The following SLC44A3 variants were observed in gnomAD, a reference collection of about 807,000 sequenced individuals.
The protein encoded by SLC44A3 is solute carrier family 44 member 3, also known as choline transporter-like protein 3.
In SLC44A3, 74 loss-of-function variants were observed where a neutral mutation model predicts 75.4. That is an observed-to-expected ratio of 0.98 (90% CI 0.81 to 1.19). The LOEUF (loss-of-function observed/expected upper bound fraction) is 1.19, where lower values mean the gene tolerates loss of function less well. Among genes scored for constraint, SLC44A3 ranks in the 50% most tolerant of loss-of-function variants. The pLI, the probability that SLC44A3 is intolerant of heterozygous loss-of-function variation, is 0.00. For missense variants in SLC44A3, 700 were observed against 778.6 expected, an observed-to-expected ratio of 0.90 and a Z score of 1.20; for synonymous variants, 310 against 296.9, an observed-to-expected ratio of 1.04 and a Z score of -0.45.
chr1:94,868,221 T>C (rs573023515), intron 12 of SLC44A3, among the ~76,000 whole-genome samples: 1 of 152,318 alleles, frequency 6.6e-6, no homozygotes, highest in African/African-American at 2.4e-5. Flanking sequence ...CAAAGCAGTA[T>C]TTTTGTAAGT....
chr1:94,823,295 G>C (rs12021872), intron 2 of SLC44A3, among the ~76,000 whole-genome samples: 24,439 of 152,216 alleles, frequency 0.16, 2,445 homozygotes, highest in Non-Finnish European at 0.22. Flanking sequence ...TGCCATGCCA[G>C]CCACATTGGC....
At position 94,835,877 on chromosome 1, in the gene SLC44A3, AATT is replaced by A. The variant is rs1417765176; in HGVS notation, c.510-1833_510-1831del. ...CGGTAGCTCAAGGACAAGGAAAGGC[AATT>A]TCTTGCTGTTTGGTCTCTTGTACTT... On this transcript the variant is annotated intron_variant, in intron 5 of 14. Transcript: ENST00000271227. Among the ~76,000 whole-genome samples the A allele has an allele frequency of 8.5e-5, 13 of 152,314 alleles. No homozygotes were observed. In the South Asian group the frequency reaches 2.1e-3, roughly 24 times the overall value.
At chr1:94,890,702 G>A (rs9432608) in intron 12 of SLC44A3, among the ~76,000 whole-genome samples, 23,775 of 151,926 alleles carry the variant, frequency 0.16, 2,106 homozygotes, top group African/African-American at 0.24. Context: ...ATAACTTATC[G>A]CCAGGGTGGT....
rs994781036 is a variant in SLC44A3 at position 94,824,414 on chromosome 1, A to G, written c.136-79A>G. 3.4e-6 allele frequency: 5 copies of G among 1,470,154 alleles called. No individual in the cohort carries two copies. In the African/African-American group the frequency reaches 4.3e-5, roughly 13 times the overall value. The allele number at this position is 1,470,154 out of a possible 1,614,324, so 91.1% of individuals were successfully genotyped here. On this transcript the variant is annotated intron_variant, in intron 2 of 14. Coordinates refer to ENST00000271227, the MANE Select transcript of SLC44A3 (RefSeq NM_001114106.3). ...TTCACGTTCCACCAGGCTCCGTTTT[A>G]TATCAGCATCTGCAGGGGTGTGGGG...
chr1:94,857,140 C>T (rs1486852396), intron 9 of SLC44A3, among the ~76,000 whole-genome samples, 195 bp from the exon 10 acceptor site: 3 of 152,162 alleles, frequency 2.0e-5, no homozygotes, highest in African/African-American at 7.2e-5. Context: ...TAATTATCAC[C>T]GTTGGTGTTA....
At chr1:94,844,327 C>A (rs976974541) in intron 8 of SLC44A3, among the ~76,000 whole-genome samples, 3 of 152,164 alleles carry the variant, frequency 2.0e-5, no homozygotes, top group African/African-American at 7.2e-5. Context: ...TGTAGGACAT[C>A]CACGGCCTTG....
chr1:94,864,611 A>G lies in SLC44A3; in HGVS notation c.1239-132A>G, dbSNP rs1008742303. 3 of 854,340 alleles carry G rather than the reference A, an allele frequency of 3.5e-6. No homozygotes were observed. The African/African-American group carries it at 5.1e-5, about 15-fold the overall frequency. The allele number at this position is 854,340 out of a possible 1,614,324, so 52.9% of individuals were successfully genotyped here. A position where few individuals can be genotyped will look rare whatever the true frequency, so the allele number is the denominator to read the frequency against. ...AATTTAACCGAAGCTACCAAGGAGT[A>G]TAAAAAGTTCGCCAAATGCTTATTA... On this transcript the variant is annotated intron_variant, in intron 10 of 14. Coordinates refer to ENST00000271227, the MANE Select transcript of SLC44A3 (RefSeq NM_001114106.3).
At chr1:94,893,967 C>CCT (rs1557901115) in intron 14 of SLC44A3, among the ~76,000 whole-genome samples, 51 of 152,046 alleles carry the variant, frequency 3.4e-4, no homozygotes, top group African/African-American at 1.1e-3. Flanking sequence ...CAGTGGCAGG[C>CCT]GCCTGTAATC....
chr1:94,882,851 G>A (rs1669146564), intron 12 of SLC44A3, among the ~76,000 whole-genome samples: 1 of 150,150 alleles, frequency 6.7e-6, no homozygotes, highest in Non-Finnish European at 1.5e-5. Flanking sequence ...ACAGCCTGTC[G>A]AGATTGCCAA....
At chr1:94,889,253 C>A (rs557963544) in intron 12 of SLC44A3, 2 of 152,086 alleles carry the variant, frequency 1.3e-5, no homozygotes, top group Non-Finnish European at 2.9e-5. Flanking sequence ...GATTTCCTTA[C>A]GATGTGTCTG....
chr1:94,871,785 A>G (rs576432663), intron 12 of SLC44A3, among the ~76,000 whole-genome samples: 115 of 152,362 alleles, frequency 7.5e-4, no homozygotes, highest in African/African-American at 2.5e-3. Flanking sequence ...TACAACAAGG[A>G]GCTGTTTGCC....
intron 5 of SLC44A3, 35 bp downstream of exon 5, chr1:94,828,621 C>A (rs1553195750): frequency 3.2e-6 from 5 of 1,582,064 alleles, no homozygotes; most frequent in Non-Finnish European, 4.3e-6. Flanking sequence ...TAACTCTAAA[C>A]AAAAGTTACT....
At chr1:94,859,228 G>T (rs859101) in intron 10 of SLC44A3, among the ~76,000 whole-genome samples, 56,108 of 152,102 alleles carry the variant, frequency 0.37, 11,531 homozygotes, top group East Asian at 0.64. Flanking sequence ...CAAAATCAAA[G>T]CATTTTCAAT....
intron 5 of SLC44A3, among the ~76,000 whole-genome samples, chr1:94,829,333 T>G (rs1661813502): frequency 6.6e-6 from 1 of 151,946 alleles, no homozygotes; most frequent in South Asian, 2.1e-4. Flanking sequence ...AATTAGACTC[T>G]GTTAGTTTTT....
chr1:94,874,982 A>G (rs371236430), intron 12 of SLC44A3, among the ~76,000 whole-genome samples: 15 of 152,336 alleles, frequency 9.8e-5, no homozygotes, highest in African/African-American at 3.4e-4. Context: ...TTGGAAAACT[A>G]CCACAGGAAC....
At chr1:94,881,399 T>C (rs559329954) in intron 12 of SLC44A3, among the ~76,000 whole-genome samples, 9 of 152,324 alleles carry the variant, frequency 5.9e-5, no homozygotes, top group South Asian at 4.1e-4. Context: ...TCAGAGAAGG[T>C]TGACATTCTC....
At chr1:94,836,978 A>G (rs1047373361) in intron 5 of SLC44A3, 2 of 151,944 alleles carry the variant, frequency 1.3e-5, no homozygotes, top group African/African-American at 4.8e-5. Context: ...TACACATACC[A>G]CAGAGTAGTA....
intron 5 of SLC44A3, among the ~76,000 whole-genome samples, chr1:94,831,893 G>A (rs879596): frequency 0.039 from 5,871 of 152,254 alleles, 164 homozygotes; most frequent in Non-Finnish European, 0.056. Flanking sequence ...ATCCCTGTGA[G>A]CCGGGCATAG....
intron 12 of SLC44A3, among the ~76,000 whole-genome samples, chr1:94,880,116 C>T (rs945214901): frequency 7.2e-5 from 11 of 152,006 alleles, no homozygotes; most frequent in Admixed American, 3.9e-4. Flanking sequence ...ATGGAGTTTC[C>T]TCAAAAAATT....
Sources: allele counts gnomAD v4.1 joint callset (sites outside exome capture counted in the v4.1 genomes callset), GRCh38; gene constraint gnomAD v4.1.1; transcripts MANE v1.5; gene names NCBI Gene and HGNC (gene_info 2026-07-23, HGNC 2026-07-21).